The following TAF4 variants were observed in gnomAD, a reference collection of about 807,000 sequenced individuals.
TAF4 encodes transcription initiation factor TFIID subunit 4.
A neutral mutation model predicts 90.3 loss-of-function variants in TAF4; 9 were observed. The observed-to-expected ratio is 0.10, with a 90% CI of 0.06 to 0.17. The LOEUF (loss-of-function observed/expected upper bound fraction) is 0.17, where lower values mean the gene tolerates loss of function less well. TAF4 is among the 10% of genes least tolerant of loss of function. The probability of loss-of-function intolerance (pLI) is 1.00; values close to 1 mark genes in which losing one functional copy is unlikely to be tolerated. For missense variants in TAF4, 1,351 were observed against 1,370.7 expected, an observed-to-expected ratio of 0.99 and a Z score of 0.23; for synonymous variants, 818 against 638.9, an observed-to-expected ratio of 1.28 and a Z score of -4.23.
At chr20:61,980,205 C>G (rs2055530815) in intron 14 of TAF4, 1 of 152,314 alleles carries the variant, frequency 6.6e-6, no homozygotes, top group Non-Finnish European at 1.5e-5. Context: ...GAGGAGGTCT[C>G]TCCACCGCAT....
chr20:62,056,556 G>T (rs1204757670), intron 1 of TAF4, among the ~76,000 whole-genome samples: 1 of 152,166 alleles, frequency 6.6e-6, no homozygotes, highest in Non-Finnish European at 1.5e-5. Flanking sequence ...CCCTGGCACA[G>T]GGGCCGTTAC....
At chr20:62,026,595 C>T (rs974459519) in intron 1 of TAF4, among the ~76,000 whole-genome samples, 2 of 152,180 alleles carry the variant, frequency 1.3e-5, no homozygotes, top group African/African-American at 4.8e-5. Context: ...TCCACAAAGC[C>T]GCAGGTGGAC....
chr20:62,015,357 C>CA (rs1555875878), intron 1 of TAF4, among the ~76,000 whole-genome samples: 3 of 152,376 alleles, frequency 2.0e-5, no homozygotes, highest in African/African-American at 7.2e-5. Flanking sequence ...CAAATCCTGC[C>CA]ATTCAGGTTT....
intron 1 of TAF4, among the ~76,000 whole-genome samples, chr20:62,031,270 C>T (rs1309292833): frequency 6.6e-6 from 1 of 152,206 alleles, no homozygotes; most frequent in Non-Finnish European, 1.5e-5. Flanking sequence ...GCGTCCAAGC[C>T]CTCGTCCTCC....
chr20:62,009,331 T>C (rs990517158), intron 4 of TAF4, among the ~76,000 whole-genome samples, 157 bp from the exon 5 acceptor site: 1 of 152,228 alleles, frequency 6.6e-6, no homozygotes, highest in Non-Finnish European at 1.5e-5. Context: ...CCCTGGGCCA[T>C]GGGGCAGGCC....
intron 14 of TAF4, among the ~76,000 whole-genome samples, chr20:61,982,834 G>A (rs2123097470): frequency 6.6e-6 from 1 of 152,332 alleles, no homozygotes; most frequent in Admixed American, 6.5e-5. Flanking sequence ...GAAGAGAAGA[G>A]AACCCATGAA....
chr20:62,049,632 T>C (rs55768935), intron 1 of TAF4, among the ~76,000 whole-genome samples: 10 of 141,552 alleles, frequency 7.1e-5, no homozygotes, highest in East Asian at 6.0e-4. Context: ...GATCCCTGCC[T>C]GCCCCAGCCC....
Position 62,065,250 on chromosome 20 carries a change from GCC to G in TAF4, c.559_560del (p.Gly187GlnfsTer274). On this transcript the variant is annotated frameshift_variant, in exon 1 of 15. Coordinates refer to ENST00000252996, the MANE Select transcript of TAF4 (RefSeq NM_003185.4). LOFTEE classifies it high-confidence loss of function. Reference sequence around the variant, plus strand: ...GCGCGGCGCCGGGGCCGGCGGGCTTGCCAGGGCCAGGGCCGGGGCCGGGGCCG... The same window carrying G: ...GCGCGGCGCCGGGGCCGGCGGGCTTGAGGGCCAGGGCCGGGGCCGGGGCCG... ...GPGPGPGPGP[G>X]KPAGPGAAQT... 1.3e-4 allele frequency: 1 copy of G among 7,484 alleles called. No individual in the cohort carries two copies. 0.5% of individuals were successfully genotyped at this position (7,484 alleles called of 1,614,324 possible).
chr20:61,992,715 A>G (rs1025223195), intron 14 of TAF4, among the ~76,000 whole-genome samples: 5 of 152,190 alleles, frequency 3.3e-5, no homozygotes, highest in African/African-American at 1.2e-4. Flanking sequence ...TCCCACTAGA[A>G]GAAACCAGTT....
chr20:61,991,642 T>G (rs962448201), intron 14 of TAF4, among the ~76,000 whole-genome samples: 1 of 151,152 alleles, frequency 6.6e-6, no homozygotes, highest in Non-Finnish European at 1.5e-5. Context: ...TTTTAAAAAT[T>G]AAGAGACTGT....
intron 1 of TAF4, among the ~76,000 whole-genome samples, chr20:62,035,151 C>T (rs990670808): frequency 5.9e-5 from 9 of 152,160 alleles, no homozygotes; most frequent in African/African-American, 2.2e-4. Flanking sequence ...AATTGACCCA[C>T]AGATTGATAC....
chr20:62,033,195 G>A (rs2055913913), intron 1 of TAF4, among the ~76,000 whole-genome samples: 1 of 152,154 alleles, frequency 6.6e-6, no homozygotes. Flanking sequence ...AGGCAGGGTG[G>A]CCTCAGCCCC....
At chr20:62,035,819 G>A (rs1172018846) in intron 1 of TAF4, among the ~76,000 whole-genome samples, 19 of 151,912 alleles carry the variant, frequency 1.3e-4, no homozygotes, top group Admixed American at 1.2e-3. Context: ...ACCTACAAAG[G>A]AACAGTAACC....
chr20:62,032,732 GACA>G, intron 1 of TAF4, among the ~76,000 whole-genome samples: 1 of 152,358 alleles, frequency 6.6e-6, no homozygotes, highest in African/African-American at 2.4e-5. Context: ...CCAACTTTCA[GACA>G]ACCTCACTTA....
intron 1 of TAF4, among the ~76,000 whole-genome samples, chr20:62,017,895 T>G (rs574215923): frequency 4.6e-5 from 7 of 150,866 alleles, no homozygotes; most frequent in African/African-American, 1.7e-4. Context: ...AAAAAAAAAG[T>G]ATTAACAAAA....
chr20:62,046,922 GTTA>G (rs1192734498), intron 1 of TAF4, among the ~76,000 whole-genome samples: 5 of 152,170 alleles, frequency 3.3e-5, no homozygotes, highest in Non-Finnish European at 5.9e-5. Context: ...TTGTCGTCTT[GTTA>G]TTTAGTCGTG....
In TAF4 at chr20:62,029,562, G is replaced by A. The variant is rs548389590; in HGVS notation, c.1361-14855C>T. ...GTACTTGGGGCTGCCGTGGTGGGGC[G>A]GGGTAAGGAAGGCCTGACTCCTGGC... On this transcript the variant is annotated intron_variant, in intron 1 of 14. Transcript: ENST00000252996. Among the ~76,000 whole-genome samples the A allele has an allele frequency of 1.6e-4, 24 of 152,270 alleles. 1 individual carries two copies. In the East Asian group the frequency reaches 4.3e-3, roughly 27 times the overall value.
At position 61,999,078 on chromosome 20, in the gene TAF4, C is replaced by T; in HGVS notation, c.2818G>A (p.Val940Ile). 1.2e-6 allele frequency: 2 copies of T among 1,614,124 alleles called. No individual in the cohort carries two copies. Among genetic ancestry groups the T allele is most frequent in the Non-Finnish European group, 1.7e-6 (2 of 1,180,036 alleles). The stretch of plus-strand genomic sequence containing the variant: ...TCAAAAAACTTGAGCTGTGCCCGGA[C>T]GTCACTCGCCTGCTCATATCTGTCG... ...DDDRYEQASD[V>I]RAQLKFFEQL... is the part of the protein sequence containing the mutation. Residue 940 changes from valine to isoleucine, a missense_variant, in exon 12 of 15, where the codon GTC becomes ATC. By Grantham distance (29) the Val-to-Ile change is conservative. Coordinates refer to ENST00000252996, the MANE Select transcript of TAF4 (RefSeq NM_003185.4).
chr20:62,065,370 G>A lies in TAF4; in HGVS notation c.441C>T (p.Ala147=), dbSNP rs1448650269. Residue 147 remains alanine, a synonymous_variant, in exon 1 of 15, where the codon GCC becomes GCT. Transcript: ENST00000252996. The part of the protein sequence containing the change: ...CAPVPAAAAV[A]AGPEPAPAGP... Reference sequence around the variant, plus strand: ...CGGCGGGGGCGGGCTCGGGCCCCGCGGCGACGGCGGCGGCGGCGGGCACCG... The same window carrying A: ...CGGCGGGGGCGGGCTCGGGCCCCGCAGCGACGGCGGCGGCGGCGGGCACCG... The A allele has an allele frequency of 8.2e-6, 8 of 970,540 alleles. No homozygotes were observed. The highest frequency in any genetic ancestry group is 9.7e-6 in the Non-Finnish European group (8 of 822,132). The allele number at this position is 970,540 out of a possible 1,614,324, so 60.1% of individuals were successfully genotyped here. A position where few individuals can be genotyped will look rare whatever the true frequency, so the allele number is the denominator to read the frequency against.
Sources: gnomAD v4.1 joint callset for allele counts (sites outside exome capture counted in the v4.1 genomes callset) on GRCh38, gnomAD v4.1.1 for gene constraint, MANE v1.5 for transcripts, NCBI Gene and HGNC (gene_info 2026-07-23, HGNC 2026-07-21) for gene names.